Variants in COX7B2 observed in about 807,000 individuals in gnomAD.
The protein encoded by COX7B2 is cytochrome c oxidase subunit 7B2, mitochondrial.
For synonymous variants in COX7B2, 37 were observed against 32.1 expected, an observed-to-expected ratio of 1.15 and a Z score of -0.51; for missense variants, 109 against 95.9, an observed-to-expected ratio of 1.14 and a Z score of -0.57.
chr4:46,803,842 A>C (rs1022327702), intron 2 of COX7B2, among the ~76,000 whole-genome samples: 19 of 151,826 alleles, frequency 1.3e-4, no homozygotes, highest in African/African-American at 4.6e-4. Context: ...AAAAATCAAA[A>C]TGAAGCTTTC....
chr4:46,767,446 C>A (rs1577681772), intron 2 of COX7B2, among the ~76,000 whole-genome samples: 1 of 152,104 alleles, frequency 6.6e-6, no homozygotes, highest in African/African-American at 2.4e-5. Context: ...AATGGATCAT[C>A]CAAACATAAA....
At chr4:46,890,532 A>G (rs937740189) in intron 1 of COX7B2, among the ~76,000 whole-genome samples, 4 of 152,220 alleles carry the variant, frequency 2.6e-5, no homozygotes, top group African/African-American at 7.2e-5. Flanking sequence ...CTTACATTTT[A>G]TCAGGATGTA....
At chr4:46,885,425 G>T (rs1490283088) in intron 1 of COX7B2, among the ~76,000 whole-genome samples, 1 of 152,066 alleles carries the variant, frequency 6.6e-6, no homozygotes, top group African/African-American at 2.4e-5. Flanking sequence ...ATGTAATAGT[G>T]CAGTTGGATA....
chr4:46,758,333 C>T (rs1030206976), intron 2 of COX7B2, among the ~76,000 whole-genome samples: 3 of 152,054 alleles, frequency 2.0e-5, no homozygotes, highest in Admixed American at 2.0e-4. Flanking sequence ...TGACATGGCT[C>T]TTCAAAAGAG....
chr4:46,780,774 C>T (rs777146747), intron 2 of COX7B2, among the ~76,000 whole-genome samples: 5 of 152,138 alleles, frequency 3.3e-5, no homozygotes, highest in Non-Finnish European at 5.9e-5. Context: ...TCTATTTGAA[C>T]AACTGTTAAA....
intron 2 of COX7B2, among the ~76,000 whole-genome samples, chr4:46,765,873 C>T (rs1716503394): frequency 6.6e-6 from 1 of 152,138 alleles, no homozygotes; most frequent in South Asian, 2.1e-4. Context: ...AGGCCTATCC[C>T]AGTTCCAGGC....
At position 46,901,210 on chromosome 4, in the gene COX7B2, T is replaced by C. The variant is rs149644143; in HGVS notation, c.-105+7950A>G. 5.3e-5 allele frequency among the ~76,000 whole-genome samples: 8 copies of C among 152,296 alleles called. No homozygotes were observed. The East Asian group carries it at 1.5e-3, about 29-fold the overall frequency. On this transcript the variant is annotated intron_variant, in intron 1 of 2. Transcript: ENST00000355591. ...TATCTTGGGGTGATATAACCTGTCA[T>C]ACACTGCCTCAACATGAATATTAAA...
intron 2 of COX7B2, among the ~76,000 whole-genome samples, chr4:46,737,764 A>G (rs1560342069): frequency 6.6e-6 from 1 of 152,118 alleles, no homozygotes; most frequent in African/African-American, 2.4e-5. Flanking sequence ...TGGCCCAAAC[A>G]TAGGCAACAC....
intron 2 of COX7B2, among the ~76,000 whole-genome samples, chr4:46,791,088 C>A (rs912320599): frequency 6.6e-6 from 1 of 152,160 alleles, no homozygotes; most frequent in African/African-American, 2.4e-5. Flanking sequence ...CAAGCTCCGC[C>A]TCTGGGGTTC....
intron 2 of COX7B2, among the ~76,000 whole-genome samples, chr4:46,765,729 G>A (rs1402714324): frequency 6.6e-6 from 1 of 151,570 alleles, no homozygotes; most frequent in Non-Finnish European, 1.5e-5. Flanking sequence ...GCTCCAGGCT[G>A]GACCCTGGGG....
At chr4:46,804,310 G>T (rs551734122) in intron 2 of COX7B2, among the ~76,000 whole-genome samples, 158 of 152,278 alleles carry the variant, frequency 1.0e-3, no homozygotes, top group African/African-American at 3.6e-3. Flanking sequence ...GTACGGAAAG[G>T]GACCCTACCA....
intron 2 of COX7B2, among the ~76,000 whole-genome samples, chr4:46,823,784 A>T (rs1286010439): frequency 6.6e-6 from 1 of 151,900 alleles, no homozygotes; most frequent in African/African-American, 2.4e-5. Flanking sequence ...CTAAAGCAGA[A>T]AACAACAGAC....
intron 2 of COX7B2, among the ~76,000 whole-genome samples, chr4:46,749,553 G>C (rs1029086236): frequency 2.6e-5 from 4 of 152,020 alleles, no homozygotes; most frequent in Non-Finnish European, 5.9e-5. Flanking sequence ...TTATGTACAT[G>C]TACATAAATT....
At chr4:46,740,329 A>T (rs1714629833) in intron 2 of COX7B2, among the ~76,000 whole-genome samples, 1 of 152,138 alleles carries the variant, frequency 6.6e-6, no homozygotes, top group Non-Finnish European at 1.5e-5. Flanking sequence ...TCATACTGTT[A>T]ACATGACAAA....
At chr4:46,865,608 C>T (rs1717621142) in intron 1 of COX7B2, among the ~76,000 whole-genome samples, 1 of 152,150 alleles carries the variant, frequency 6.6e-6, no homozygotes, top group Non-Finnish European at 1.5e-5. Context: ...CTAGGAAACA[C>T]ATCTTTTGTC....
chr4:46,752,231 G>A (rs906005491), intron 2 of COX7B2, among the ~76,000 whole-genome samples: 11 of 151,942 alleles, frequency 7.2e-5, no homozygotes, highest in Admixed American at 7.2e-4. Context: ...TCTGTTATTG[G>A]TGTATAAGAA....
rs370431993 is a variant in COX7B2 at position 46,868,333 on chromosome 4, A to G, written c.-104-23319T>C. ...TTTCAAAAAACCAACTCCTGGATAC[A>G]TTGAACTTTTGAATGTTTTTTCTGC... On this transcript the variant is annotated intron_variant, in intron 1 of 2. Coordinates refer to ENST00000355591, the MANE Select transcript of COX7B2 (RefSeq NM_130902.3). 2.6e-5 allele frequency among the ~76,000 whole-genome samples: 4 copies of G among 152,218 alleles called. No individual in the cohort carries two copies. The East Asian group carries it at 7.7e-4, about 29-fold the overall frequency.
intron 2 of COX7B2, among the ~76,000 whole-genome samples, chr4:46,765,746 G>A (rs887621630): frequency 6.6e-6 from 1 of 152,054 alleles, no homozygotes; most frequent in African/African-American, 2.4e-5. Flanking sequence ...GGGGCACTAA[G>A]CTCAAGGACC....
chr4:46,743,917 AT>A (rs1714862174), intron 2 of COX7B2, among the ~76,000 whole-genome samples: 1 of 152,174 alleles, frequency 6.6e-6, no homozygotes, highest in Non-Finnish European at 1.5e-5. Flanking sequence ...AAACTAAATC[AT>A]TTCCTTGTGG....
Sources: gnomAD v4.1 joint callset for allele counts (sites outside exome capture counted in the v4.1 genomes callset) on GRCh38, gnomAD v4.1.1 for gene constraint, MANE v1.5 for transcripts, NCBI Gene and HGNC (gene_info 2026-07-23, HGNC 2026-07-21) for gene names.